Variants in ECT2L observed in about 807,000 individuals in gnomAD.
The protein encoded by ECT2L is epithelial cell-transforming sequence 2 oncogene-like.
Under a neutral mutation model 122.8 loss-of-function variants are expected in ECT2L, and 126 were observed. The observed-to-expected ratio is 1.03, with a 90% CI of 0.89 to 1.19. The LOEUF (loss-of-function observed/expected upper bound fraction) is 1.19, where lower values mean the gene tolerates loss of function less well. ECT2L is among the 50% of genes most tolerant of loss of function. ECT2L has a pLI of 0.00. For missense variants in ECT2L, 1,012 were observed against 1,064.1 expected (o/e 0.95, Z 0.68); for synonymous variants, 385 against 381.8 (o/e 1.01, Z -0.10).
intron 4 of ECT2L, among the ~76,000 whole-genome samples, chr6:138,821,663 T>C (rs955156266): frequency 6.6e-6 from 1 of 152,226 alleles, no homozygotes; most frequent in African/African-American, 2.4e-5. Context: ...CAAAAGCTAG[T>C]TTCTTCATTT....
chr6:138,825,560 G>C (rs1466379906), intron 4 of ECT2L, among the ~76,000 whole-genome samples: 1 of 152,104 alleles, frequency 6.6e-6, no homozygotes. Flanking sequence ...TCCAGCCTGG[G>C]CGACAGAGCA....
intron 13 of ECT2L, among the ~76,000 whole-genome samples, chr6:138,873,550 T>C (rs1457127831): frequency 6.6e-6 from 1 of 152,172 alleles, no homozygotes; most frequent in African/African-American, 2.4e-5. Flanking sequence ...TCCCGGCACT[T>C]TGGGAGGCCG....
chr6:138,871,133 T>C (rs767033618), intron 13 of ECT2L, among the ~76,000 whole-genome samples: 10 of 152,198 alleles, frequency 6.6e-5, no homozygotes, highest in Non-Finnish European at 1.5e-4. Flanking sequence ...CTTGTTTACA[T>C]GAAATAACCA....
At position 138,870,846 on chromosome 6, in the gene ECT2L, T is replaced by C. The variant is rs1021441729; in HGVS notation, c.1578+2640T>C. ...CAACATGGTGAAACCCCGTCTCTAC[T>C]AAAAATACAAAAATTAGCTGGGCAT... On this transcript the variant is annotated intron_variant, in intron 13 of 21. Transcript: ENST00000541398. Among the ~76,000 whole-genome samples the C allele has an allele frequency of 4.6e-5, 7 of 152,060 alleles. No homozygotes were observed. In the South Asian group the frequency reaches 8.3e-4, roughly 18 times the overall value.
chr6:138,845,686 C>A (rs944219761), intron 7 of ECT2L, among the ~76,000 whole-genome samples: 4 of 152,218 alleles, frequency 2.6e-5, no homozygotes, highest in Admixed American at 1.3e-4. Flanking sequence ...AGCACTCTTT[C>A]AACTTCACCC....
chr6:138,850,029 TTC>T (rs978177319), intron 9 of ECT2L, among the ~76,000 whole-genome samples: 2 of 152,146 alleles, frequency 1.3e-5, no homozygotes, highest in African/African-American at 2.4e-5. Context: ...GAAAAAAAAC[TTC>T]TCTTTTCTCC....
At chr6:138,799,279 A>G (rs1460706312) in intron 1 of ECT2L, among the ~76,000 whole-genome samples, 7 of 150,606 alleles carry the variant, frequency 4.6e-5, no homozygotes, top group Non-Finnish European at 1.0e-4. Context: ...TTTGAGACGG[A>G]GTCTCGCTCT....
At chr6:138,830,273 A>T (rs1776601105) in intron 4 of ECT2L, among the ~76,000 whole-genome samples, 1 of 152,176 alleles carries the variant, frequency 6.6e-6, no homozygotes, top group African/African-American at 2.4e-5. Context: ...ATCTCTGCAC[A>T]ACAGGGGTGG....
chr6:138,848,533 A>G, intron 8 of ECT2L, among the ~76,000 whole-genome samples: 1 of 152,210 alleles, frequency 6.6e-6, no homozygotes. Flanking sequence ...AGGGATATAT[A>G]CTTAGAAAAG....
intron 13 of ECT2L, among the ~76,000 whole-genome samples, chr6:138,871,497 G>A (rs1778249801): frequency 2.0e-5 from 3 of 152,162 alleles, no homozygotes; most frequent in Admixed American, 6.5e-5. Context: ...AGCAGCACAC[G>A]GCCTGCCGTC....
At chr6:138,838,288 T>G in intron 4 of ECT2L, 64 bp from the exon 5 acceptor site, 1 of 1,383,168 alleles carries the variant, frequency 7.2e-7, no homozygotes. Flanking sequence ...GACCAATATT[T>G]ATGCTGACTT....
intron 1 of ECT2L, among the ~76,000 whole-genome samples, chr6:138,804,372 C>A (rs1414383475): frequency 6.6e-6 from 1 of 152,178 alleles, no homozygotes; most frequent in Non-Finnish European, 1.5e-5. Flanking sequence ...TAACAAGTGT[C>A]CCTGTATACC....
At chr6:138,802,801 G>A (rs970979778) in intron 1 of ECT2L, among the ~76,000 whole-genome samples, 5 of 152,178 alleles carry the variant, frequency 3.3e-5, no homozygotes, top group South Asian at 4.1e-4. Context: ...GGCAGGCAGT[G>A]CAAGGTGGCT....
intron 2 of ECT2L, 87 bp from the exon 3 acceptor site, chr6:138,813,085 T>C (rs1775954723): frequency 2.0e-6 from 1 of 500,426 alleles, no homozygotes. Context: ...CGTACACACA[T>C]GAATTATAAT....
chr6:138,837,220 C>T (rs1776871089), intron 4 of ECT2L, among the ~76,000 whole-genome samples: 1 of 152,134 alleles, frequency 6.6e-6, no homozygotes, highest in Admixed American at 6.5e-5. Context: ...GTCTAGCTTT[C>T]CTCCTTTACA....
chr6:138,861,257 C>T (rs1418867120), intron 10 of ECT2L, among the ~76,000 whole-genome samples: 1 of 152,070 alleles, frequency 6.6e-6, no homozygotes, highest in African/African-American at 2.4e-5. Flanking sequence ...AATAGGATTC[C>T]TGGGTCAAAT....
intron 4 of ECT2L, among the ~76,000 whole-genome samples, chr6:138,836,577 T>C (rs1004656879): frequency 6.6e-6 from 1 of 151,956 alleles, no homozygotes; most frequent in African/African-American, 2.4e-5. Flanking sequence ...CGTGAGCCAC[T>C]CATTGATGAT....
chr6:138,886,843 T>C lies in ECT2L; in HGVS notation c.2260-14T>C. The C allele has an allele frequency of 6.2e-7, 1 of 1,600,318 alleles. No individual in the cohort carries two copies. The highest frequency in any genetic ancestry group is 8.6e-7 in the Non-Finnish European group (1 of 1,169,516). On this transcript the variant is annotated splice_polypyrimidine_tract_variant and intron_variant, in intron 18 of 21. Transcript: ENST00000541398. ...ACAATTTTAGTTTGCCTAAAAGTAC[T>C]TTTTTTCCCCTAGATGAAGCAAAAC...
At chr6:138,809,377 G>A (rs1377967051) in intron 1 of ECT2L, among the ~76,000 whole-genome samples, 3 of 152,144 alleles carry the variant, frequency 2.0e-5, no homozygotes, top group Non-Finnish European at 4.4e-5. Context: ...GAGGTGGGAG[G>A]CTTGCATGAG....
Sources: gnomAD v4.1 joint callset for allele counts (sites outside exome capture counted in the v4.1 genomes callset) on GRCh38, gnomAD v4.1.1 for gene constraint, MANE v1.5 for transcripts, NCBI Gene and HGNC (gene_info 2026-07-23, HGNC 2026-07-21) for gene names.